KCNK5: variants seen among roughly 807,000 people sequenced by gnomAD.
KCNK5 encodes the protein potassium channel subfamily K member 5.
KCNK5 carries 18 observed loss-of-function variants against 32.9 expected under a neutral mutation model. The observed-to-expected ratio is 0.55, with a 90% CI of 0.38 to 0.81. KCNK5 has a LOEUF of 0.81. Among genes scored for constraint, KCNK5 ranks in the 30% least tolerant of loss-of-function variants. The pLI is 0.00. For missense variants in KCNK5, 507 were observed against 651.0 expected (o/e 0.78, Z 2.41); for synonymous variants, 276 against 275.3 (o/e 1.00, Z -0.03).
intron 1 of KCNK5, among the ~76,000 whole-genome samples, chr6:39,224,043 T>C (rs1008555192): frequency 3.3e-5 from 5 of 150,652 alleles, no homozygotes; most frequent in Non-Finnish European, 7.4e-5. Context: ...ACTTTCACTG[T>C]TAAAAAACTC....
intron 1 of KCNK5, among the ~76,000 whole-genome samples, chr6:39,202,407 T>G (rs1336078881): frequency 2.6e-5 from 4 of 151,950 alleles, no homozygotes; most frequent in Admixed American, 1.3e-4. Context: ...CCAACTGGTC[T>G]TGGGTTGCAG....
At chr6:39,210,620 T>C (rs1446601026) in intron 1 of KCNK5, among the ~76,000 whole-genome samples, 1 of 152,180 alleles carries the variant, frequency 6.6e-6, no homozygotes, top group African/African-American at 2.4e-5. Context: ...ATTCATCAAG[T>C]GTTTGCTGAA....
intron 2 of KCNK5, 41 bp downstream of exon 2, chr6:39,195,835 G>C (rs1771020302): frequency 4.8e-6 from 7 of 1,467,580 alleles, no homozygotes; most frequent in African/African-American, 1.4e-5. Flanking sequence ...TGAGGAGCTA[G>C]GGCATGGATG....
intron 1 of KCNK5, among the ~76,000 whole-genome samples, chr6:39,215,697 G>A (rs1245227892): frequency 1.3e-5 from 2 of 152,214 alleles, no homozygotes; most frequent in East Asian, 1.9e-4. Context: ...GTTAACCCTA[G>A]GGAAACCAAA....
intron 1 of KCNK5, among the ~76,000 whole-genome samples, chr6:39,217,784 C>G (rs1445309512): frequency 4.6e-5 from 7 of 152,306 alleles, no homozygotes; most frequent in East Asian, 3.9e-4. Flanking sequence ...GCAGGAGGAG[C>G]AAAGTCCAGG....
intron 1 of KCNK5, 85 bp downstream of exon 1, chr6:39,228,841 A>C: frequency 7.2e-7 from 1 of 1,380,396 alleles, no homozygotes; most frequent in East Asian, 2.3e-5. Flanking sequence ...AGGGTCACCC[A>C]AAGCTGTGAA....
At chr6:39,217,118 CAAAAAAAAAAAA>C (rs57204833) in intron 1 of KCNK5, among the ~76,000 whole-genome samples, 14,343 of 74,984 alleles carry the variant, frequency 0.19, 1,392 homozygotes, top group African/African-American at 0.36. Context: ...AAAACTCCAT[CAAAAAAAAAAAA>C]AAAAAAAAAA....
chr6:39,209,750 C>CT (rs1284287056), intron 1 of KCNK5, among the ~76,000 whole-genome samples: 1 of 152,226 alleles, frequency 6.6e-6, no homozygotes, highest in Admixed American at 6.5e-5. Context: ...TGTTTAACCC[C>CT]TAACACCCAA....
chr6:39,210,968 C>T (rs1337293211), intron 1 of KCNK5, among the ~76,000 whole-genome samples: 3 of 152,100 alleles, frequency 2.0e-5, no homozygotes, highest in Admixed American at 6.5e-5. Context: ...AGTGCCCGCC[C>T]CTCCTCCCCT....
intron 1 of KCNK5, among the ~76,000 whole-genome samples, chr6:39,196,195 T>C (rs1771028216): frequency 6.6e-6 from 1 of 152,192 alleles, no homozygotes; most frequent in African/African-American, 2.4e-5. Flanking sequence ...CCAGGCAATC[T>C]GGCTCCAAAG....
Position 39,190,810 on chromosome 6 carries a change from A to G in KCNK5, c.*80T>C. The G allele has an allele frequency of 1.5e-6, 2 of 1,343,222 alleles. No individual in the cohort carries two copies. Among genetic ancestry groups the G allele is most frequent in the Non-Finnish European group, 1.9e-6 (2 of 1,031,366 alleles). 83.2% of individuals were successfully genotyped at this position (1,343,222 alleles called of 1,614,324 possible). ...CGAGGCTGCCCCCCCACCAGGGGCC[A>G]GGCGTCCCGGTCATCTCGGGACACC... On this transcript the variant is annotated 3_prime_UTR_variant, in exon 5 of 5. Transcript: ENST00000359534.
chr6:39,215,723 C>T (rs1771421034), intron 1 of KCNK5, among the ~76,000 whole-genome samples: 1 of 152,240 alleles, frequency 6.6e-6, no homozygotes, highest in African/African-American at 2.4e-5. Flanking sequence ...GGATGTGACA[C>T]AGCATGGGTT....
At chr6:39,218,097 G>A (rs2113796023) in intron 1 of KCNK5, among the ~76,000 whole-genome samples, 1 of 143,372 alleles carries the variant, frequency 7.0e-6, no homozygotes. Flanking sequence ...TTGAGATGGA[G>A]TCTAGCTTTG....
In KCNK5 at chr6:39,194,096, C is replaced by A; in HGVS notation, c.634+73G>T. ...AGAACATGGAACCCTACCTAGGGCA[C>A]CCCCAACATAGGTCTGTTGCACTGA... On this transcript the variant is annotated intron_variant, in intron 4 of 4. Transcript: ENST00000359534. This position sits in a 1 kb window ranked among gnomAD's most constrained non-coding sequence, Gnocchi z 4.7. 1.3e-6 allele frequency: 2 copies of A among 1,540,982 alleles called. No individual in the cohort carries two copies. The highest frequency in any genetic ancestry group is 1.8e-6 in the Non-Finnish European group (2 of 1,115,314).
chr6:39,209,945 AG>A (rs1771301612), intron 1 of KCNK5, among the ~76,000 whole-genome samples: 1 of 152,238 alleles, frequency 6.6e-6, no homozygotes, highest in African/African-American at 2.4e-5. Flanking sequence ...GATAGAGAGC[AG>A]GAAGGCTGGT....
chr6:39,217,839 T>C (rs1049953871), intron 1 of KCNK5, among the ~76,000 whole-genome samples: 2 of 152,170 alleles, frequency 1.3e-5, no homozygotes, highest in Non-Finnish European at 2.9e-5. Flanking sequence ...GGATCCTTTC[T>C]GCCTGAGGCC....
intron 1 of KCNK5, among the ~76,000 whole-genome samples, chr6:39,218,070 CTTTT>C (rs796153225): frequency 1.8e-4 from 23 of 130,366 alleles, no homozygotes; most frequent in South Asian, 2.5e-4. Context: ...ACTTACAGGC[CTTTT>C]TTTTTTTTTT....
intron 1 of KCNK5, among the ~76,000 whole-genome samples, chr6:39,204,659 A>C (rs1340348886): frequency 1.3e-5 from 2 of 152,198 alleles, no homozygotes; most frequent in Non-Finnish European, 2.9e-5. Context: ...AGGTGATTCT[A>C]ATCTTATGTT....
intron 1 of KCNK5, among the ~76,000 whole-genome samples, chr6:39,222,093 T>C (rs1315891757): frequency 2.6e-5 from 4 of 152,168 alleles, no homozygotes; most frequent in Non-Finnish European, 5.9e-5. Flanking sequence ...CTAGAGGCCT[T>C]AGGCAGCTGA....
Sources: allele counts gnomAD v4.1 joint callset (sites outside exome capture counted in the v4.1 genomes callset), GRCh38; gene constraint gnomAD v4.1.1; non-coding constraint Gnocchi (gnomAD v3.1); transcripts MANE v1.5; gene names NCBI Gene and HGNC (gene_info 2026-07-23, HGNC 2026-07-21).